EPHA3: variants seen among roughly 807,000 people sequenced by gnomAD.
The protein encoded by EPHA3 is EPH receptor A3, also known as ephrin type-A receptor 3.
In EPHA3, 42 loss-of-function variants were observed where a neutral mutation model predicts 107.1. The ratio of observed to expected loss-of-function variants is 0.39; its 90% CI spans 0.31 to 0.51. The LOEUF (loss-of-function observed/expected upper bound fraction) is 0.51, where lower values mean the gene tolerates loss of function less well. Among genes scored for constraint, EPHA3 ranks in the 20% least tolerant of loss-of-function variants. EPHA3 has a pLI of 0.78. For missense variants in EPHA3, 1,183 were observed against 1,211.2 expected (o/e 0.98, Z 0.35); for synonymous variants, 461 against 424.8 (o/e 1.09, Z -1.05).
At chr3:89,252,568 A>G (rs1168946758) in intron 3 of EPHA3, among the ~76,000 whole-genome samples, 1 of 152,098 alleles carries the variant, frequency 6.6e-6, no homozygotes. Flanking sequence ...CATCTCTACA[A>G]AAATTTAAAA....
chr3:89,213,184 G>A (rs1704146144), intron 3 of EPHA3, among the ~76,000 whole-genome samples: 1 of 151,984 alleles, frequency 6.6e-6, no homozygotes. Flanking sequence ...GTGCTCATGA[G>A]TGTGAATGAA....
chr3:89,128,778 T>C (rs144578192), intron 2 of EPHA3, among the ~76,000 whole-genome samples: 137 of 151,694 alleles, frequency 9.0e-4, no homozygotes, highest in African/African-American at 3.1e-3. Flanking sequence ...AAACAAGAAA[T>C]CATCTTATAT....
At chr3:89,230,822 T>TCACACA (rs1247637593) in intron 3 of EPHA3, among the ~76,000 whole-genome samples, 6 of 144,130 alleles carry the variant, frequency 4.2e-5, no homozygotes, top group African/African-American at 1.7e-4. Context: ...TCTCTCTCTC[T>TCACACA]CTCACACACA....
At chr3:89,253,687 A>G (rs1044303861) in intron 3 of EPHA3, among the ~76,000 whole-genome samples, 1 of 152,150 alleles carries the variant, frequency 6.6e-6, no homozygotes, top group African/African-American at 2.4e-5. Flanking sequence ...TCTTCGTTTC[A>G]TTTTAGCTTA....
intron 2 of EPHA3, among the ~76,000 whole-genome samples, chr3:89,149,007 A>G (rs1315767665): frequency 2.0e-5 from 3 of 152,024 alleles, no homozygotes; most frequent in Non-Finnish European, 4.4e-5. Context: ...AGAATGCCAT[A>G]ATGCAAATTT....
At chr3:89,156,596 C>G (rs892371849) in intron 2 of EPHA3, among the ~76,000 whole-genome samples, 8 of 151,874 alleles carry the variant, frequency 5.3e-5, no homozygotes, top group African/African-American at 1.9e-4. Context: ...TTAGGTAAAA[C>G]TTAAGGTCCT....
At chr3:89,157,767 T>C (rs558783779) in intron 2 of EPHA3, among the ~76,000 whole-genome samples, 1 of 149,714 alleles carries the variant, frequency 6.7e-6, no homozygotes, top group Non-Finnish European at 1.5e-5. Context: ...CAGCAGTAAG[T>C]AAAAGAGAAC....
intron 3 of EPHA3, among the ~76,000 whole-genome samples, chr3:89,246,394 T>C (rs1408428552): frequency 6.6e-6 from 1 of 151,984 alleles, no homozygotes; most frequent in Non-Finnish European, 1.5e-5. Context: ...TGAGAAAAAG[T>C]AAGTTTAAAA....
intron 13 of EPHA3, among the ~76,000 whole-genome samples, chr3:89,445,347 G>T (rs953304395): frequency 2.0e-5 from 3 of 152,098 alleles, no homozygotes; most frequent in Non-Finnish European, 4.4e-5. Flanking sequence ...TCTTCTTTTA[G>T]ACTGAGTTGT....
chr3:89,217,715 A>G (rs1305587944), intron 3 of EPHA3, among the ~76,000 whole-genome samples: 1 of 152,222 alleles, frequency 6.6e-6, no homozygotes, highest in Non-Finnish European at 1.5e-5. Flanking sequence ...TCTCTATTCA[A>G]TGGTCAGTTG....
intron 3 of EPHA3, among the ~76,000 whole-genome samples, chr3:89,230,806 C>CCT (rs1248948891): frequency 1.6e-5 from 2 of 122,136 alleles, no homozygotes; most frequent in African/African-American, 3.0e-5. Context: ...TCTCTCTCTC[C>CCT]CTCTCTCTCT....
chr3:89,356,065 T>C lies in EPHA3; in HGVS notation c.1306+13975T>C, dbSNP rs185924671. On this transcript the variant is annotated intron_variant, in intron 5 of 16. Coordinates refer to ENST00000336596, the MANE Select transcript of EPHA3 (RefSeq NM_005233.6). Reference sequence around the variant, plus strand: ...GTTCTCATTGTTCAATTCTCACCTATGAGTGAGAATATACAGTGTTTGGTT... The same window carrying C: ...GTTCTCATTGTTCAATTCTCACCTACGAGTGAGAATATACAGTGTTTGGTT... Among the ~76,000 whole-genome samples, 37 of 145,198 alleles carry C rather than the reference T, an allele frequency of 2.5e-4. 1 individual carries two copies. The highest frequency in any genetic ancestry group is 2.1e-3 in the Admixed American group (30 of 14,344).
intron 3 of EPHA3, among the ~76,000 whole-genome samples, chr3:89,303,573 CAT>C (rs1030878433): frequency 1.3e-4 from 19 of 151,870 alleles, no homozygotes; most frequent in East Asian, 5.8e-4. Flanking sequence ...TATTCCTACA[CAT>C]GAGTCAAAAA....
At chr3:89,220,950 G>T (rs1167382178) in intron 3 of EPHA3, among the ~76,000 whole-genome samples, 1 of 152,146 alleles carries the variant, frequency 6.6e-6, no homozygotes, top group East Asian at 1.9e-4. Flanking sequence ...ATATGAGCTT[G>T]GTGGAATCAT....
chr3:89,369,254 A>G (rs1189618310), intron 5 of EPHA3, among the ~76,000 whole-genome samples: 1 of 150,978 alleles, frequency 6.6e-6, no homozygotes, highest in East Asian at 1.9e-4. Context: ...AAAATATACT[A>G]CAAGGCTATA....
intron 2 of EPHA3, among the ~76,000 whole-genome samples, chr3:89,201,364 A>G (rs991811598): frequency 9.2e-5 from 14 of 152,216 alleles, no homozygotes; most frequent in Admixed American, 1.3e-4. Flanking sequence ...CACAGAGCCA[A>G]CGGTTAGAAA....
chr3:89,426,486 C>T (rs1311779666), intron 11 of EPHA3, among the ~76,000 whole-genome samples: 1 of 151,790 alleles, frequency 6.6e-6, no homozygotes, highest in Non-Finnish European at 1.5e-5. Context: ...CCCATCTTAA[C>T]TGATGTGTTT....
chr3:89,419,204 G>C lies in EPHA3; in HGVS notation c.1889-1G>C. 1 of 1,591,510 alleles carries C rather than the reference G, an allele frequency of 6.3e-7. No homozygotes were observed. Among genetic ancestry groups the C allele is most frequent in the Non-Finnish European group, 8.5e-7 (1 of 1,171,078 alleles). ...TTTGTTGCTGTTCTGCTTTATAACAGGTGAATTTGGAGAGGTGTGCAGTGG... is the reference window on the plus strand; with the variant it reads ...TTTGTTGCTGTTCTGCTTTATAACACGTGAATTTGGAGAGGTGTGCAGTGG... On this transcript the variant is annotated splice_acceptor_variant, in intron 10 of 16. Coordinates refer to ENST00000336596, the MANE Select transcript of EPHA3 (RefSeq NM_005233.6). LOFTEE classifies it high-confidence loss of function.
intron 3 of EPHA3, among the ~76,000 whole-genome samples, chr3:89,314,954 G>T (rs1706859038): frequency 6.6e-6 from 1 of 151,832 alleles, no homozygotes; most frequent in Admixed American, 6.6e-5. Context: ...TTGGCTTTAT[G>T]GTGTAGCCTT....
Sources: allele counts gnomAD v4.1 joint callset (sites outside exome capture counted in the v4.1 genomes callset), GRCh38; gene constraint gnomAD v4.1.1; transcripts MANE v1.5; gene names NCBI Gene and HGNC (gene_info 2026-07-23, HGNC 2026-07-21).